The following SLC60A1 variants were observed in gnomAD, a reference collection of about 807,000 sequenced individuals.
SLC60A1 encodes solute carrier family 60 member 1, also known as major facilitator superfamily domain containing 4.
At chr1:205,571,501 A>G in the SLC60A1 span, among the ~76,000 whole-genome samples, 2 of 152,082 alleles carry the variant, frequency 1.3e-5, no homozygotes, top group African/African-American at 2.4e-5. Context: ...GGTGGGGTAG[A>G]TCCTATCAGT....
the SLC60A1 span, chr1:205,591,917 T>G: frequency 1.8e-6 from 1 of 541,554 alleles, no homozygotes; most frequent in Non-Finnish European, 3.3e-6. Context: ...TGGGAAGATG[T>G]CTAGGCGGGG....
the SLC60A1 span, chr1:205,580,938 T>C: frequency 6.2e-7 from 1 of 1,610,350 alleles, no homozygotes; most frequent in Non-Finnish European, 8.5e-7. The surrounding 1 kb of genome is among the most constrained non-coding windows in gnomAD (Gnocchi z 5.0). Context: ...GTCCCTGGGG[T>C]GGGCCAGGTA....
chr1:205,602,003 G>A, the SLC60A1 span: 3 of 152,222 alleles, frequency 2.0e-5, no homozygotes, highest in Non-Finnish European at 2.9e-5. Flanking sequence ...CTGAAAGCAG[G>A]ATTTGTTGAG....
chr1:205,570,601 TC>T, the SLC60A1 span, among the ~76,000 whole-genome samples: 1 of 152,222 alleles, frequency 6.6e-6, no homozygotes. Flanking sequence ...ATCCCCATTT[TC>T]CCCAAATCTT....
the SLC60A1 span, among the ~76,000 whole-genome samples, chr1:205,577,997 C>T: frequency 2.3e-4 from 35 of 152,212 alleles, no homozygotes; most frequent in African/African-American, 8.4e-4. This position sits in a 1 kb window ranked among gnomAD's most constrained non-coding sequence, Gnocchi z 5.2. Flanking sequence ...CATACCTCTG[C>T]GCAGCCCCTG....
chr1:205,593,064 C>T, the SLC60A1 span, among the ~76,000 whole-genome samples: 2 of 152,112 alleles, frequency 1.3e-5, no homozygotes, highest in African/African-American at 4.8e-5. Context: ...TCCCCTTTCC[C>T]TAGCCTCCCG....
the SLC60A1 span, chr1:205,597,731 C>T: frequency 6.2e-7 from 1 of 1,602,288 alleles, no homozygotes; most frequent in East Asian, 2.2e-5. Flanking sequence ...ATGCTGGCTT[C>T]TGTCTCCTTA....
chr1:205,597,805 A>G, the SLC60A1 span: 8 of 1,614,014 alleles, frequency 5.0e-6, no homozygotes, highest in South Asian at 7.7e-5. Flanking sequence ...TGCTGGTGAC[A>G]GGGGCAGGAG....
the SLC60A1 span, chr1:205,569,308 C>CGCGCCCGT: frequency 1.1e-5 from 16 of 1,486,434 alleles, no homozygotes; most frequent in Non-Finnish European, 1.4e-5. Flanking sequence ...ACGTGAGTGC[C>CGCGCCCGT]GCGCCCGTGC....
At chr1:205,580,583 G>A in the SLC60A1 span, 1 of 1,548,426 alleles carries the variant, frequency 6.5e-7, no homozygotes, top group East Asian at 2.2e-5. This position sits in a 1 kb window ranked among gnomAD's most constrained non-coding sequence, Gnocchi z 5.0. Context: ...GGGTCCTCTG[G>A]ACCGGAGGCC....
the SLC60A1 span, chr1:205,579,698 G>C: frequency 1.3e-4 from 201 of 1,596,364 alleles, 2 homozygotes; most frequent in South Asian, 2.0e-3. Context: ...GGAGGAGAAG[G>C]GGGAGGGGAT....
At chr1:205,597,369 GGTT>G in the SLC60A1 span, among the ~76,000 whole-genome samples, 1 of 115,974 alleles carries the variant, frequency 8.6e-6, no homozygotes. Context: ...AAGCAACCTA[GGTT>G]GTTTTTTTTT....
the SLC60A1 span, chr1:205,597,622 C>CT: frequency 3.0e-6 from 2 of 661,398 alleles, no homozygotes; most frequent in East Asian, 2.8e-5. Flanking sequence ...TCTTGAACTC[C>CT]TGGCCTCAAG....
chr1:205,600,687 T>C, the SLC60A1 span: 1,114 of 534,920 alleles, frequency 2.1e-3, 10 homozygotes, highest in African/African-American at 0.019. Context: ...TGGTTCAGAC[T>C]GTTGGTAAGA....
At chr1:205,591,075 C>T in the SLC60A1 span, among the ~76,000 whole-genome samples, 1 of 152,166 alleles carries the variant, frequency 6.6e-6, no homozygotes, top group African/African-American at 2.4e-5. Context: ...GGTTTATTCC[C>T]AGATACATCT....
the SLC60A1 span, among the ~76,000 whole-genome samples, chr1:205,577,645 G>T: frequency 2.0e-5 from 3 of 152,182 alleles, no homozygotes; most frequent in African/African-American, 7.2e-5. This position sits in a 1 kb window ranked among gnomAD's most constrained non-coding sequence, Gnocchi z 5.2. Context: ...AGCCTGGCTG[G>T]GTCCGTGGCT....
the SLC60A1 span, chr1:205,585,106 A>G: frequency 1.2e-6 from 1 of 814,252 alleles, no homozygotes; most frequent in Non-Finnish European, 2.0e-6. The surrounding 1 kb of genome is among the most constrained non-coding windows in gnomAD (Gnocchi z 4.2). Context: ...CTTCTCCTGG[A>G]GTACACTTGA....
the SLC60A1 span, chr1:205,600,518 T>A: frequency 2.5e-6 from 4 of 1,569,904 alleles, no homozygotes; most frequent in African/African-American, 5.4e-5. Flanking sequence ...AGCACGACCA[T>A]ACTGTTTCAG....
At chr1:205,584,368 C>T in the SLC60A1 span, among the ~76,000 whole-genome samples, 1 of 151,718 alleles carries the variant, frequency 6.6e-6, no homozygotes, top group Admixed American at 6.6e-5. Flanking sequence ...ATTACAGTCA[C>T]ATGCCACTAC....
Sources: gnomAD v4.1 joint callset for allele counts (sites outside exome capture counted in the v4.1 genomes callset) on GRCh38, gnomAD v4.1.1 for gene constraint, Gnocchi (gnomAD v3.1) non-coding constraint, MANE v1.5 for transcripts, NCBI Gene and HGNC (gene_info 2026-07-23, HGNC 2026-07-21) for gene names.